Variants in COG7 observed in about 807,000 individuals in gnomAD.
The protein encoded by COG7 is conserved oligomeric Golgi complex subunit 7.
In COG7, 49 loss-of-function variants were observed where a neutral mutation model predicts 91.5. That is an observed-to-expected ratio of 0.54 (90% CI 0.43 to 0.68). The LOEUF (loss-of-function observed/expected upper bound fraction) is 0.68. Among genes scored for constraint, COG7 ranks in the 30% least tolerant of loss-of-function variants. COG7 has a pLI of 0.00. For synonymous variants in COG7, 365 were observed against 388.7 expected (o/e 0.94, Z 0.72); for missense variants, 895 against 961.3 (o/e 0.93, Z 0.91).
intron 14 of COG7, among the ~76,000 whole-genome samples, chr16:23,395,566 A>G (rs1163573903): frequency 6.6e-6 from 1 of 152,204 alleles, no homozygotes; most frequent in African/African-American, 2.4e-5. Flanking sequence ...CAACAAGGCA[A>G]AGTATCATTT....
intron 11 of COG7, among the ~76,000 whole-genome samples, chr16:23,409,088 T>TGTGTGCGCGC (rs567307217): frequency 6.8e-5 from 10 of 147,806 alleles, no homozygotes; most frequent in African/African-American, 2.3e-4. Context: ...TGTGTGTGTG[T>TGTGTGCGCGC]GCGTGCATGT....
At chr16:23,439,874 T>G (rs573763369) in intron 4 of COG7, among the ~76,000 whole-genome samples, 2 of 152,258 alleles carry the variant, frequency 1.3e-5, no homozygotes, top group Middle Eastern at 3.4e-3. Context: ...TTTGCCACAA[T>G]TTTTTAAATT....
At chr16:23,389,140 G>A (rs1219318063) in intron 16 of COG7, 54 bp from the exon 17 acceptor site, 3 of 1,598,166 alleles carry the variant, frequency 1.9e-6, no homozygotes, top group African/African-American at 2.7e-5. Context: ...CACCAAGCAG[G>A]TCAGAGCCCC....
chr16:23,425,150 A>G (rs1963825314), intron 6 of COG7, among the ~76,000 whole-genome samples: 1 of 152,120 alleles, frequency 6.6e-6, no homozygotes, highest in Non-Finnish European at 1.5e-5. Flanking sequence ...TCTCTACTAA[A>G]AATACAAAAA....
At chr16:23,445,683 T>G (rs1596957963) in intron 2 of COG7, 130 bp downstream of exon 2, 1 of 909,788 alleles carries the variant, frequency 1.1e-6, no homozygotes. Flanking sequence ...ATAGCTGGAG[T>G]GCTGGGCAGA....
chr16:23,431,853 A>AAAATAAAG (rs755944982), intron 6 of COG7, among the ~76,000 whole-genome samples: 7 of 149,496 alleles, frequency 4.7e-5, no homozygotes, highest in Non-Finnish European at 8.9e-5. Flanking sequence ...TAAGAAAAAT[A>AAAATAAAG]AAATAAAGTC....
rs769556611 is a variant in COG7, at chr16:23,388,940, T to C, written c.2293A>G (p.Met765Val). 5.0e-6 allele frequency: 8 copies of C among 1,613,292 alleles called. No individual in the cohort carries two copies. The highest frequency in any genetic ancestry group is 2.7e-5 in the African/African-American group (2 of 75,010). Residue 765 changes from methionine (M) to valine (V), a missense_variant, in exon 17 of 17, where the codon ATG becomes GTG. Physicochemically the swap from Met to Val is conservative, Grantham distance 21. Transcript: ENST00000307149. ...TGGGGTCAGTAATTCACACTCCGCA[T>C]GGTGGCCACGGTGGTGGCCAGGCGA... Reference protein sequence around the residue: ...PRRLATTVATMRSVNY With the variant: ...PRRLATTVATVRSVNY
At chr16:23,416,023 G>T (rs1021290149) in intron 9 of COG7, 1 of 151,896 alleles carries the variant, frequency 6.6e-6, no homozygotes, top group African/African-American at 2.4e-5. Context: ...GTATTATTTT[G>T]ATTTTTTTTT....
chr16:23,398,013 G>T, intron 14 of COG7, 33 bp downstream of exon 14: 2 of 1,578,512 alleles, frequency 1.3e-6, no homozygotes, highest in Non-Finnish European at 8.7e-7. Flanking sequence ...GAAAGACTTG[G>T]ACCACCCTGG....
At chr16:23,403,298 T>G (rs1963407357) in intron 13 of COG7, among the ~76,000 whole-genome samples, 1 of 152,186 alleles carries the variant, frequency 6.6e-6, no homozygotes, top group African/African-American at 2.4e-5. Flanking sequence ...GGTACTCCCC[T>G]GAGTAAAGTT....
rs746510032 is a variant in COG7, at chr16:23,435,597, G to A, written c.605-879C>T. Among the ~76,000 whole-genome samples, 137 of 152,324 alleles carry A rather than the reference G, an allele frequency of 9.0e-4. 1 individual carries two copies. Among genetic ancestry groups the A allele is most frequent in the Non-Finnish European group, 1.7e-3 (119 of 68,036 alleles). On this transcript the variant is annotated intron_variant, in intron 4 of 16. Coordinates refer to ENST00000307149, the MANE Select transcript of COG7 (RefSeq NM_153603.4). ...GTGCAGTCTCTGAATAGTGTGCACA[G>A]CAGCGCCACCTCTGGCTCCTGTCCG...
At chr16:23,449,751 CAA>C (rs59806724) in intron 1 of COG7, among the ~76,000 whole-genome samples, 10 of 92,888 alleles carry the variant, frequency 1.1e-4, no homozygotes, top group Admixed American at 2.4e-4. Flanking sequence ...AACTCCATCT[CAA>C]AAAAAAAAAA....
intron 4 of COG7, among the ~76,000 whole-genome samples, chr16:23,442,100 G>C (rs151046176): frequency 6.6e-6 from 1 of 152,050 alleles, no homozygotes; most frequent in Non-Finnish European, 1.5e-5. Context: ...TTGGGAGGCC[G>C]AGGCGAGGGG....
Position 23,411,547 on chromosome 16 carries a change from C to T in COG7, c.1410-1187G>A, listed in dbSNP as rs142387242. On this transcript the variant is annotated intron_variant, in intron 10 of 16. Coordinates refer to ENST00000307149, the MANE Select transcript of COG7 (RefSeq NM_153603.4). ...TAAGTTCCGGGATACATGTGTAGGA[C>T]GTGCAGGTTTGTTAATAGGTAAACG... Among the ~76,000 whole-genome samples, 3 of 152,256 alleles carry T rather than the reference C, an allele frequency of 2.0e-5. No individual in the cohort carries two copies. The East Asian group carries it at 5.8e-4, about 29-fold the overall frequency.
Position 23,417,278 on chromosome 16 carries a change from CA to C in COG7, c.1138-158del. On this transcript the variant is annotated intron_variant, in intron 8 of 16. Coordinates refer to ENST00000307149, the MANE Select transcript of COG7 (RefSeq NM_153603.4). Reference sequence around the variant, plus strand: ...TTGAATGCTTCTCTAGAGCCTGAATCAAGGGAGAACAGTCTAAGTCATCAGT... The same window carrying C: ...TTGAATGCTTCTCTAGAGCCTGAATCAGGGAGAACAGTCTAAGTCATCAGT... The C allele has an allele frequency of 1.1e-5, 8 of 741,376 alleles. No individual in the cohort carries two copies. The South Asian group carries it at 1.1e-4, about 10-fold the overall frequency. The allele number at this position is 741,376 out of a possible 1,614,324, so 45.9% of individuals were successfully genotyped here. A position where few individuals can be genotyped will look rare whatever the true frequency, so the allele number is the denominator to read the frequency against.
At chr16:23,396,532 A>C (rs1171734965) in intron 14 of COG7, among the ~76,000 whole-genome samples, 1 of 151,886 alleles carries the variant, frequency 6.6e-6, no homozygotes, top group Non-Finnish European at 1.5e-5. Context: ...TAGAAAAATT[A>C]GCCAGGTGTG....
At position 23,416,999 on chromosome 16, in the gene COG7, G is replaced by A; in HGVS notation, c.1260C>T (p.Gly420=). 6.2e-7 allele frequency: 1 copy of A among 1,614,238 alleles called. No individual in the cohort carries two copies. Residue 420 remains glycine, a synonymous_variant, in exon 9 of 17, where the codon GGC becomes GGT. Coordinates refer to ENST00000307149, the MANE Select transcript of COG7 (RefSeq NM_153603.4). Reference sequence around the variant, plus strand: ...AGAGGGATTTCAGGGCTGACAACAGGCCGCAGGTCCCCAGGCCATTGGTGA... The same window carrying A: ...AGAGGGATTTCAGGGCTGACAACAGACCGCAGGTCCCCAGGCCATTGGTGA... ...VRFTNGLGTC[G]LLSALKSLFA... is the part of the protein sequence containing the mutation.
In COG7 at chr16:23,392,470, C is replaced by T. The variant is rs140441189; in HGVS notation, c.2056G>A (p.Ala686Thr). Residue 686 changes from alanine to threonine, a missense_variant, in exon 16 of 17, where the codon GCC becomes ACC. Ala to Thr is a moderately conservative substitution (Grantham distance 58). Transcript: ENST00000307149. ...NMADNWLGSI[A>T]RATMQTYCDA... Reference sequence around the variant, plus strand: ...CAGTAGGTCTGCATTGTGGCTCTGGCGATCGAGCCCAGCCAGTTGTCAGCC... The same window carrying T: ...CAGTAGGTCTGCATTGTGGCTCTGGTGATCGAGCCCAGCCAGTTGTCAGCC... The T allele has an allele frequency of 3.5e-5, 56 of 1,614,012 alleles. No homozygotes were observed. In the East Asian group the frequency reaches 6.9e-4, roughly 20 times the overall value.
chr16:23,412,766 A>G (rs30009), intron 10 of COG7: 25,804 of 152,162 alleles, frequency 0.17, 2,329 homozygotes, highest in East Asian at 0.29. Context: ...GCTCACTTCA[A>G]CCTCCACCTC....
Sources: gnomAD v4.1 joint callset for allele counts (sites outside exome capture counted in the v4.1 genomes callset) on GRCh38, gnomAD v4.1.1 for gene constraint, MANE v1.5 for transcripts, NCBI Gene and HGNC (gene_info 2026-07-23, HGNC 2026-07-21) for gene names.